Variants in CHD6 observed in about 807,000 individuals in gnomAD.
The protein encoded by CHD6 is ATP-dependent chromatin remodeler CHD6.
CHD6 carries 50 observed loss-of-function variants against 276.9 expected under a neutral mutation model. The ratio of observed to expected loss-of-function variants is 0.18; its 90% CI spans 0.14 to 0.23. The LOEUF (loss-of-function observed/expected upper bound fraction) is 0.23, where lower values mean the gene tolerates loss of function less well. Among genes scored for constraint, CHD6 ranks in the 10% least tolerant of loss-of-function variants. The pLI is 1.00. For missense variants in CHD6, 2,564 were observed against 3,365.8 expected, an observed-to-expected ratio of 0.76 and a Z score of 5.89; for synonymous variants, 1,173 against 1,229.3, an observed-to-expected ratio of 0.95 and a Z score of 0.96.
At chr20:41,454,569 A>C in intron 20 of CHD6, 57 bp downstream of exon 20, 3 of 1,321,540 alleles carry the variant, frequency 2.3e-6, no homozygotes, top group Non-Finnish European at 3.2e-6. Context: ...GTAGGAATTT[A>C]TTGTCATGTA....
chr20:41,575,178 G>C lies in CHD6; in HGVS notation c.-23-23818C>G, dbSNP rs541823178. 7.2e-5 allele frequency among the ~76,000 whole-genome samples: 11 copies of C among 152,264 alleles called. No homozygotes were observed. In the South Asian group the frequency reaches 2.3e-3, roughly 32 times the overall value. On this transcript the variant is annotated intron_variant, in intron 1 of 36. Coordinates refer to ENST00000373233, the MANE Select transcript of CHD6 (RefSeq NM_032221.5). ...TAAACCCCAGAAAGTTTTGTAACAG[G>C]TCCCTTGAGCCCCTATGCTCAGCCT...
chr20:41,491,267 T>C (rs544473964), intron 11 of CHD6, among the ~76,000 whole-genome samples: 1 of 150,454 alleles, frequency 6.6e-6, no homozygotes, highest in African/African-American at 2.4e-5. Flanking sequence ...AGTTTTAAAA[T>C]ATTTAAAAGT....
intron 1 of CHD6, among the ~76,000 whole-genome samples, chr20:41,566,272 G>A (rs1601148892): frequency 1.3e-5 from 2 of 152,092 alleles, no homozygotes; most frequent in Non-Finnish European, 2.9e-5. Context: ...TACTCTCCCT[G>A]ACAGATTGCA....
At chr20:41,430,581 T>C (rs1037368118) in intron 27 of CHD6, among the ~76,000 whole-genome samples, 7 of 152,234 alleles carry the variant, frequency 4.6e-5, no homozygotes, top group African/African-American at 1.2e-4. Context: ...TTACAAGTCT[T>C]AGCTCTGTGA....
Position 41,421,846 on chromosome 20 carries a change from C to A in CHD6, c.4789G>T (p.Asp1597Tyr). The change falls in exon 31 of 37, where the codon GAC (aspartate) becomes TAC (tyrosine). Residue 1597 changes from aspartate to tyrosine, a missense_variant. Asp to Tyr is a radical substitution (Grantham distance 160). Around this residue, in one of 7 missense-constraint regions of CHD6, gnomAD observed 515 missense variants for 739.5 expected, o/e 0.70. Coordinates refer to ENST00000373233, the MANE Select transcript of CHD6 (RefSeq NM_032221.5). ...TGGGGGTCGTTCATGATGTAACAGTCAGTGCGGTTCAGCCCATGTTTGGCA... is the reference window on the plus strand; with the variant it reads ...TGGGGGTCGTTCATGATGTAACAGTAAGTGCGGTTCAGCCCATGTTTGGCA... ...GTAKHGLNRT[D>Y]CYIMNDPQLS... 6.2e-7 allele frequency: 1 copy of A among 1,614,168 alleles called. No homozygotes were observed.
chr20:41,546,394 A>G (rs1022545996), intron 2 of CHD6, among the ~76,000 whole-genome samples: 25 of 152,144 alleles, frequency 1.6e-4, no homozygotes, highest in African/African-American at 6.0e-4. Flanking sequence ...CCTACTTATA[A>G]TATTATGTAT....
chr20:41,493,699 A>T (rs1397657944), intron 9 of CHD6, 27 bp from the exon 10 acceptor site: 1 of 1,612,400 alleles, frequency 6.2e-7, no homozygotes, highest in East Asian at 2.2e-5. Context: ...AAAGAAACTT[A>T]ATGTTCTATT....
chr20:41,412,722 G>C (rs1421898460), intron 35 of CHD6, among the ~76,000 whole-genome samples: 1 of 152,164 alleles, frequency 6.6e-6, no homozygotes, highest in East Asian at 1.9e-4. Context: ...CAGTGGTGGG[G>C]TAGATGAGCA....
chr20:41,426,314 A>G (rs1038857585), intron 27 of CHD6, among the ~76,000 whole-genome samples, 161 bp from the exon 28 acceptor site: 1 of 152,224 alleles, frequency 6.6e-6, no homozygotes, highest in African/African-American at 2.4e-5. Context: ...ACTTCTGTAC[A>G]ATCTTAAAAG....
At chr20:41,471,557 A>AC (rs1171299662) in intron 17 of CHD6, among the ~76,000 whole-genome samples, 1 of 150,386 alleles carries the variant, frequency 6.6e-6, no homozygotes, top group South Asian at 2.1e-4. Flanking sequence ...TTTTTTTGAG[A>AC]CCGAGTCTCG....
chr20:41,453,753 T>C (rs1330925934), intron 20 of CHD6, among the ~76,000 whole-genome samples: 2 of 152,218 alleles, frequency 1.3e-5, no homozygotes, highest in Admixed American at 6.5e-5. Context: ...ATTGCGACAC[T>C]GTGAAACACT....
intron 2 of CHD6, among the ~76,000 whole-genome samples, chr20:41,544,558 G>A (rs2045003878): frequency 6.6e-6 from 1 of 151,874 alleles, no homozygotes; most frequent in African/African-American, 2.4e-5. Context: ...ATAAATGCTA[G>A]TGACGTATTT....
intron 13 of CHD6, 64 bp downstream of exon 13, chr20:41,488,364 A>G: frequency 7.1e-7 from 1 of 1,414,986 alleles, no homozygotes; most frequent in Non-Finnish European, 9.6e-7. Flanking sequence ...GAATGGCTAA[A>G]GAGTGTTTCC....
chr20:41,408,979 A>C lies in CHD6; in HGVS notation c.7251+3165T>G, dbSNP rs115231930. On this transcript the variant is annotated intron_variant, in intron 36 of 36. Transcript: ENST00000373233. ...CACTCTCAGGATCTGGGATGTCAAA[A>C]GCATCCTTTCCCTGCTCTTGCTGAG... Among the ~76,000 whole-genome samples, 526 of 152,354 alleles carry C rather than the reference A, an allele frequency of 3.5e-3. 2 individuals are homozygous for C. The highest frequency in any genetic ancestry group is 0.012 in the African/African-American group (484 of 41,590).
intron 1 of CHD6, among the ~76,000 whole-genome samples, chr20:41,610,137 T>C (rs1052195623): frequency 2.6e-5 from 4 of 152,188 alleles, no homozygotes; most frequent in African/African-American, 9.6e-5. Context: ...ATTACAGGCA[T>C]AAGCCATTGG....
chr20:41,459,853 G>A (rs960605139), intron 17 of CHD6, among the ~76,000 whole-genome samples: 11 of 152,242 alleles, frequency 7.2e-5, no homozygotes, highest in African/African-American at 1.4e-4. Flanking sequence ...CCGAAAACGC[G>A]GAAGCGACTT....
At chr20:41,500,867 T>A (rs1023079433) in intron 5 of CHD6, among the ~76,000 whole-genome samples, 1 of 152,128 alleles carries the variant, frequency 6.6e-6, no homozygotes, top group Admixed American at 6.5e-5. Flanking sequence ...AGGGTCAAAC[T>A]CTCTGAGGCC....
At chr20:41,562,099 A>T (rs2045307658) in intron 1 of CHD6, among the ~76,000 whole-genome samples, 1 of 151,124 alleles carries the variant, frequency 6.6e-6, no homozygotes, top group Admixed American at 6.6e-5. Flanking sequence ...TTTCTGTCTC[A>T]TTTACAACAA....
At chr20:41,476,003 TA>T (rs1011344098) in intron 16 of CHD6, among the ~76,000 whole-genome samples, 2 of 151,512 alleles carry the variant, frequency 1.3e-5, no homozygotes, top group East Asian at 1.9e-4. Flanking sequence ...ACACAAAACT[TA>T]AAAAAAAATT....
Sources: allele counts gnomAD v4.1 joint callset (sites outside exome capture counted in the v4.1 genomes callset), GRCh38; gene constraint gnomAD v4.1.1; regional missense constraint gnomAD v4.1.1; transcripts MANE v1.5; gene names NCBI Gene and HGNC (gene_info 2026-07-23, HGNC 2026-07-21).